The following AHR variants were observed in gnomAD, a reference collection of about 807,000 sequenced individuals.
The protein encoded by AHR is AH-receptor.
AHR carries 40 observed loss-of-function variants against 86.8 expected under a neutral mutation model. That is an observed-to-expected ratio of 0.46 (90% CI 0.36 to 0.60). The LOEUF (loss-of-function observed/expected upper bound fraction) is 0.60, where lower values mean the gene tolerates loss of function less well. Among genes scored for constraint, AHR ranks in the 20% least tolerant of loss-of-function variants. The pLI is 0.00. For synonymous variants in AHR, 398 were observed against 354.9 expected (o/e 1.12, Z -1.37); for missense variants, 1,001 against 1,011.6 (o/e 0.99, Z 0.14).
Position 17,326,617 on chromosome 7 carries a change from G to A in AHR, c.361-1142G>A, listed in dbSNP as rs561406853. 2.0e-5 allele frequency among the ~76,000 whole-genome samples: 3 copies of A among 152,250 alleles called. No homozygotes were observed. In the South Asian group the frequency reaches 6.2e-4, roughly 32 times the overall value. ...ACACTGAGTGCTGGCTCTGTGCCAA[G>A]CATTGAGTTAGGTGGGATATCGTCA... On this transcript the variant is annotated intron_variant, in intron 3 of 10. Transcript: ENST00000242057.
chr7:17,316,920 C>T (rs960351144), intron 2 of AHR, among the ~76,000 whole-genome samples: 26 of 152,080 alleles, frequency 1.7e-4, no homozygotes, highest in African/African-American at 6.0e-4. Context: ...ACTTTAACCT[C>T]ACTGTTCCAC....
intron 1 of AHR, among the ~76,000 whole-genome samples, chr7:17,300,280 A>G (rs1229445320): frequency 6.6e-6 from 1 of 151,974 alleles, no homozygotes; most frequent in Non-Finnish European, 1.5e-5. Context: ...GTTTATTCCA[A>G]TTTTTTTATT....
intron 2 of AHR, among the ~76,000 whole-genome samples, chr7:17,319,894 A>G (rs1782151490): frequency 1.3e-5 from 2 of 152,098 alleles, no homozygotes; most frequent in Admixed American, 1.3e-4. Flanking sequence ...AATGATTTTA[A>G]AAGTCCACCC....
intron 9 of AHR, among the ~76,000 whole-genome samples, chr7:17,337,286 T>G (rs1032656402): frequency 6.6e-6 from 1 of 152,168 alleles, no homozygotes; most frequent in Non-Finnish European, 1.5e-5. Flanking sequence ...TGGTAAAATA[T>G]CCCATGTAAT....
Position 17,335,792 on chromosome 7 carries a change from C to T in AHR, c.1160+6C>T, listed in dbSNP as rs1782348749. ...GTAACTCAGAGACCACTAACGTAAG[C>T]ACAAATAATGTTTCCTGTTTTAACA... On this transcript the variant is annotated splice_donor_region_variant and intron_variant, in intron 9 of 10. Transcript: ENST00000242057. The T allele has an allele frequency of 6.2e-7, 1 of 1,609,228 alleles. No homozygotes were observed. The highest frequency in any genetic ancestry group is 2.2e-5 in the East Asian group (1 of 44,734).
At chr7:17,322,175 G>T (rs992685765) in intron 2 of AHR, among the ~76,000 whole-genome samples, 6 of 151,966 alleles carry the variant, frequency 3.9e-5, no homozygotes, top group Non-Finnish European at 7.4e-5. Context: ...AGGAGTGTTT[G>T]TAACAGTGTT....
rs1321442710 is a variant in AHR at position 17,345,889 on chromosome 7, C to A, written c.*2825C>A. ...AGGATATGGATGTGTCTAATTTAGT[C>A]TTTTCCTGTACCAGGTTTTTCTTAC... is the stretch of plus-strand genomic sequence containing the variant. On this transcript the variant is annotated 3_prime_UTR_variant, in exon 11 of 11. Coordinates refer to ENST00000242057, the MANE Select transcript of AHR (RefSeq NM_001621.5). The A allele has an allele frequency of 6.6e-6, 1 of 152,528 alleles. No individual in the cohort carries two copies. Among genetic ancestry groups the A allele is most frequent in the African/African-American group, 2.4e-5 (1 of 41,394 alleles). 9.4% of individuals were successfully genotyped at this position (152,528 alleles called of 1,614,324 possible).
At position 17,343,782 on chromosome 7, in the gene AHR, C is replaced by G. The variant is rs1291179365; in HGVS notation, c.*718C>G. The G allele has an allele frequency of 6.6e-6, 1 of 152,496 alleles. No homozygotes were observed. Among genetic ancestry groups the G allele is most frequent in the Non-Finnish European group, 1.5e-5 (1 of 67,970 alleles). 9.4% of individuals were successfully genotyped at this position (152,496 alleles called of 1,614,324 possible). A position where few individuals can be genotyped will look rare whatever the true frequency, so the allele number is the denominator to read the frequency against. ...AACTCCACTGCTTACCTACTTTCTTCAGGTAAAGGGCAAATAATGATCGAA... is the reference window on the plus strand; with the variant it reads ...AACTCCACTGCTTACCTACTTTCTTGAGGTAAAGGGCAAATAATGATCGAA... On this transcript the variant is annotated 3_prime_UTR_variant, in exon 11 of 11. Coordinates refer to ENST00000242057, the MANE Select transcript of AHR (RefSeq NM_001621.5).
intron 2 of AHR, 91 bp downstream of exon 2, chr7:17,310,214 T>C: frequency 1.6e-6 from 2 of 1,251,554 alleles, no homozygotes; most frequent in Non-Finnish European, 2.2e-6. Flanking sequence ...CTACAAAAAT[T>C]AGCCGTATTT....
At chr7:17,322,462 CT>C in intron 2 of AHR, 38 bp from the exon 3 acceptor site, 1 of 1,374,808 alleles carries the variant, frequency 7.3e-7, no homozygotes, top group Non-Finnish European at 1.0e-6. Flanking sequence ...TTTACTCTTG[CT>C]TACTTTTAAA....
intron 4 of AHR, 45 bp from the exon 5 acceptor site, chr7:17,329,907 T>C (rs2115363953): frequency 6.5e-7 from 1 of 1,546,158 alleles, no homozygotes; most frequent in East Asian, 2.3e-5. Context: ...AGCCATATTT[T>C]TTAATCAGTC....
At chr7:17,315,303 AAT>A (rs1298523624) in intron 2 of AHR, among the ~76,000 whole-genome samples, 81 of 152,072 alleles carry the variant, frequency 5.3e-4, no homozygotes, top group African/African-American at 1.7e-3. Flanking sequence ...TGAATAAATT[AAT>A]ATGATAGAAC....
intron 2 of AHR, 79 bp downstream of exon 2, chr7:17,310,202 A>G (rs1782048244): frequency 3.0e-6 from 4 of 1,337,172 alleles, no homozygotes; most frequent in African/African-American, 1.5e-5. Flanking sequence ...CTGTGTTAAT[A>G]ACTACAAAAA....
rs746200757 is a variant in AHR, at chr7:17,330,721, G to A, written c.575-35G>A. ...CAAGTGCTTAATTTTACAGCAAAAT[G>A]GAAAGTAAATTTTGTTTTGCCTTTA... is the stretch of plus-strand genomic sequence containing the variant. On this transcript the variant is annotated intron_variant, in intron 5 of 10. Coordinates refer to ENST00000242057, the MANE Select transcript of AHR (RefSeq NM_001621.5). 4 of 1,520,964 alleles carry A rather than the reference G, an allele frequency of 2.6e-6. No individual in the cohort carries two copies. The South Asian group carries it at 4.0e-5, about 15-fold the overall frequency. The allele number at this position is 1,520,964 out of a possible 1,614,324, so 94.2% of individuals were successfully genotyped here.
chr7:17,332,945 C>G (rs1317374225), intron 6 of AHR, among the ~76,000 whole-genome samples: 2 of 151,954 alleles, frequency 1.3e-5, no homozygotes, highest in East Asian at 3.9e-4. Context: ...ACAGGTATAC[C>G]ATTTTTTGTC....
Position 17,339,283 on chromosome 7 carries a change from C to G in AHR, c.1458C>G (p.Phe486Leu), listed in dbSNP as rs1333676149. 1 of 1,614,046 alleles carries G rather than the reference C, an allele frequency of 6.2e-7. No homozygotes were observed. Among genetic ancestry groups the G allele is most frequent in the Admixed American group, 1.7e-5 (1 of 60,006 alleles). ...CTGCACCTTTTGAAAACAACTTTTT[C>G]AACGAATCTATGAATGAATGCAGAA... ...SSTAPFENNF[F>L]NESMNECRNW... The change falls in exon 10 of 11, where the codon TTC becomes TTG. Residue 486 changes from phenylalanine (F) to leucine (L), a missense_variant. By Grantham distance (22) the Phe-to-Leu change is conservative. This residue lies in a region of AHR where 607 missense variants were observed against 543.1 expected (regional missense o/e 1.12). Transcript: ENST00000242057.
intron 2 of AHR, among the ~76,000 whole-genome samples, chr7:17,316,384 C>CAAAGCAGGAGGACTGCTTG (rs1281039354): frequency 3.9e-5 from 6 of 152,116 alleles, no homozygotes; most frequent in African/African-American, 1.4e-4. Context: ...TTTGAGAAGC[C>CAAAGCAGGAGGACTGCTTG]AAAGCAGGAG....
intron 6 of AHR, among the ~76,000 whole-genome samples, chr7:17,331,268 G>T (rs1197538366): frequency 6.6e-6 from 1 of 151,844 alleles, no homozygotes; most frequent in African/African-American, 2.4e-5. Flanking sequence ...AGGAGCAGAG[G>T]CATCTTCAGC....
At chr7:17,320,898 G>A (rs774849664) in intron 2 of AHR, among the ~76,000 whole-genome samples, 6 of 152,080 alleles carry the variant, frequency 3.9e-5, no homozygotes, top group Non-Finnish European at 7.4e-5. Context: ...AAAGAGATAT[G>A]TTTTAACTTC....
Sources: gnomAD v4.1 joint callset for allele counts (sites outside exome capture counted in the v4.1 genomes callset) on GRCh38, gnomAD v4.1.1 for gene constraint, gnomAD v4.1.1 regional missense constraint, MANE v1.5 for transcripts, NCBI Gene and HGNC (gene_info 2026-07-23, HGNC 2026-07-21) for gene names.